Variants in RBFOX1 observed in about 807,000 individuals in gnomAD.
RBFOX1 encodes RNA binding fox-1 homolog 1, also known as RNA binding protein fox-1 homolog 1.
RBFOX1 carries 8 observed loss-of-function variants against 57.7 expected under a neutral mutation model. The observed-to-expected ratio is 0.14, with a 90% CI of 0.08 to 0.25. The LOEUF (loss-of-function observed/expected upper bound fraction) is 0.25. RBFOX1 is among the 10% of genes least tolerant of loss of function. The pLI is 1.00. For missense variants in RBFOX1, 611 were observed against 548.5 expected (o/e 1.11, Z -1.14); for synonymous variants, 326 against 222.4 (o/e 1.47, Z -4.15).
intron 4 of RBFOX1, among the ~76,000 whole-genome samples, chr16:7,062,809 C>A (rs913340603): frequency 6.6e-6 from 1 of 151,034 alleles, no homozygotes; most frequent in Non-Finnish European, 1.5e-5. Flanking sequence ...ACCTCAGATT[C>A]ACCCTGATTC....
intron 1 of RBFOX1, among the ~76,000 whole-genome samples, chr16:5,440,491 G>A (rs1303555025): frequency 6.6e-6 from 1 of 152,156 alleles, no homozygotes; most frequent in African/African-American, 2.4e-5. Context: ...GGACTTTTTT[G>A]ACTTGCATTG....
At chr16:6,841,476 G>T (rs773576287) in intron 3 of RBFOX1, among the ~76,000 whole-genome samples, 5 of 152,104 alleles carry the variant, frequency 3.3e-5, no homozygotes, top group African/African-American at 1.2e-4. Context: ...AACCTGAGTG[G>T]AAGGGGAGAG....
intron 3 of RBFOX1, among the ~76,000 whole-genome samples, chr16:6,984,791 C>T (rs569373516): frequency 6.6e-6 from 1 of 152,058 alleles, no homozygotes; most frequent in African/African-American, 2.4e-5. Context: ...GAGGTGCATG[C>T]CACCACACCT....
intron 4 of RBFOX1, among the ~76,000 whole-genome samples, chr16:7,228,999 G>A (rs1393958834): frequency 6.6e-6 from 1 of 152,048 alleles, no homozygotes; most frequent in Non-Finnish European, 1.5e-5. Context: ...TGGAAGGATG[G>A]GGAATAGCAG....
chr16:5,354,668 T>A (rs2065343217), intron 1 of RBFOX1, among the ~76,000 whole-genome samples: 2 of 152,270 alleles, frequency 1.3e-5, no homozygotes, highest in Admixed American at 6.5e-5. Flanking sequence ...CCTCTCTTTG[T>A]GTAGGGCAGC....
intron 3 of RBFOX1, among the ~76,000 whole-genome samples, chr16:5,641,903 G>A (rs1396054141): frequency 1.3e-5 from 2 of 152,166 alleles, no homozygotes; most frequent in East Asian, 1.9e-4. Context: ...CTCAGGAGAA[G>A]GCTATGATGC....
Position 6,100,311 on chromosome 16 carries a change from C to G in RBFOX1, c.-127+80319C>G, listed in dbSNP as rs369313629. On this transcript the variant is annotated intron_variant, in intron 1 of 15. Transcript: ENST00000550418. Reference sequence around the variant, plus strand: ...CCGAGGAGCTGGGACTACAGGCGCCCGCCATTACGCCTGGCTAATGTTTTG... The same window carrying G: ...CCGAGGAGCTGGGACTACAGGCGCCGGCCATTACGCCTGGCTAATGTTTTG... Among the ~76,000 whole-genome samples the G allele has an allele frequency of 1.1e-4, 17 of 152,246 alleles. No homozygotes were observed. The East Asian group carries it at 2.5e-3, about 23-fold the overall frequency.
chr16:6,579,982 A>G (rs1043605025), intron 2 of RBFOX1, among the ~76,000 whole-genome samples: 6 of 151,956 alleles, frequency 3.9e-5, no homozygotes, highest in African/African-American at 1.5e-4. Context: ...TTTCTGAGAC[A>G]GAGTCTTGCT....
At chr16:5,675,627 G>A (rs2050144430) in intron 3 of RBFOX1, among the ~76,000 whole-genome samples, 1 of 152,214 alleles carries the variant, frequency 6.6e-6, no homozygotes, top group South Asian at 2.1e-4. Flanking sequence ...CTTCTTGGAT[G>A]GCTTCCGCGT....
intron 4 of RBFOX1, among the ~76,000 whole-genome samples, chr16:7,394,730 C>T (rs1056625180): frequency 1.3e-5 from 2 of 152,150 alleles, no homozygotes; most frequent in African/African-American, 2.4e-5. Flanking sequence ...TGAATAACAG[C>T]AGTTTGAATT....
intron 4 of RBFOX1, among the ~76,000 whole-genome samples, chr16:7,350,309 C>T (rs1354420176): frequency 2.6e-5 from 4 of 152,036 alleles, no homozygotes; most frequent in Non-Finnish European, 4.4e-5. Context: ...AGCAAAAGTC[C>T]TGAGATGGAA....
chr16:7,703,381 C>G (rs2081391787), intron 14 of RBFOX1, among the ~76,000 whole-genome samples: 1 of 152,132 alleles, frequency 6.6e-6, no homozygotes, highest in South Asian at 2.1e-4. Context: ...TCTTTGCTAC[C>G]TTCTGAACTT....
chr16:5,268,974 G>A (rs2062933243), intron 1 of RBFOX1, among the ~76,000 whole-genome samples: 1 of 151,818 alleles, frequency 6.6e-6, no homozygotes, highest in African/African-American at 2.4e-5. Context: ...GAGTGCAGTG[G>A]CACAATCTCA....
chr16:6,343,671 A>C (rs1030200933), intron 2 of RBFOX1, among the ~76,000 whole-genome samples: 2 of 152,178 alleles, frequency 1.3e-5, no homozygotes, highest in African/African-American at 4.8e-5. Flanking sequence ...GTGTTTTTTG[A>C]ATTGCTAGCT....
intron 2 of RBFOX1, among the ~76,000 whole-genome samples, chr16:5,567,280 G>A (rs987222767): frequency 3.3e-5 from 5 of 152,184 alleles, no homozygotes; most frequent in African/African-American, 9.6e-5. Flanking sequence ...TCAGGACTGC[G>A]TCACTTTGCA....
intron 4 of RBFOX1, among the ~76,000 whole-genome samples, chr16:7,064,838 A>G (rs980303079): frequency 6.6e-6 from 1 of 152,236 alleles, no homozygotes; most frequent in Admixed American, 6.5e-5. Flanking sequence ...TTAATTACAT[A>G]TTCTAAATCC....
chr16:7,230,625 T>G (rs1011825995), intron 4 of RBFOX1, among the ~76,000 whole-genome samples: 9 of 152,166 alleles, frequency 5.9e-5, no homozygotes, highest in African/African-American at 2.2e-4. Flanking sequence ...ACCACTAGCT[T>G]CTGATGCATT....
chr16:6,200,765 A>G (rs2097209686), intron 1 of RBFOX1, among the ~76,000 whole-genome samples: 1 of 152,100 alleles, frequency 6.6e-6, no homozygotes, highest in Admixed American at 6.5e-5. Context: ...AGACAAGGGG[A>G]CTTACCTGAA....
intron 3 of RBFOX1, among the ~76,000 whole-genome samples, chr16:6,697,669 G>A (rs1459212735): frequency 1.3e-5 from 2 of 152,072 alleles, no homozygotes; most frequent in Non-Finnish European, 1.5e-5. Context: ...GATTAAAAGG[G>A]GAAGAAAACC....
Sources: allele counts gnomAD v4.1 joint callset (sites outside exome capture counted in the v4.1 genomes callset), GRCh38; gene constraint gnomAD v4.1.1; transcripts MANE v1.5; gene names NCBI Gene and HGNC (gene_info 2026-07-23, HGNC 2026-07-21).